PLA2G4C: variants seen among roughly 807,000 people sequenced by gnomAD.
PLA2G4C encodes the protein phospholipase A2 group IVC.
In PLA2G4C, 64 loss-of-function variants were observed where a neutral mutation model predicts 73.8. The ratio of observed to expected loss-of-function variants is 0.87; its 90% CI spans 0.71 to 1.07. PLA2G4C has a LOEUF of 1.07. Among genes scored for constraint, PLA2G4C ranks in the 50% least tolerant of loss-of-function variants. PLA2G4C has a pLI of 0.00. For synonymous variants in PLA2G4C, 254 were observed against 252.1 expected (o/e 1.01, Z -0.07); for missense variants, 622 against 665.4 (o/e 0.93, Z 0.72).
intron 12 of PLA2G4C, among the ~76,000 whole-genome samples, chr19:48,070,522 G>A (rs2386973): frequency 0.46 from 70,413 of 152,034 alleles, 16,778 homozygotes; most frequent in East Asian, 0.57. Flanking sequence ...GACTGGATAA[G>A]GAAAATGTGG....
intron 2 of PLA2G4C, among the ~76,000 whole-genome samples, chr19:48,105,902 C>T (rs1286149898): frequency 1.3e-3 from 7 of 5,300 alleles, no homozygotes; most frequent in African/African-American, 0.011. Flanking sequence ...TCCCTCCCTC[C>T]CTCCCTCCCT....
At chr19:48,055,083 C>T (rs750654958) in intron 14 of PLA2G4C, 34 bp from the exon 15 acceptor site, 27 of 1,546,614 alleles carry the variant, frequency 1.7e-5, no homozygotes, top group Non-Finnish European at 2.2e-5. Flanking sequence ...GGTTGCAAGA[C>T]CTCTCCAGAA....
At position 48,053,121 on chromosome 19, in the gene PLA2G4C, A is replaced by G. The variant is rs770088152; in HGVS notation, c.1456T>C (p.Tyr486His). 1.1e-5 allele frequency: 17 copies of G among 1,607,250 alleles called. No individual in the cohort carries two copies. Among genetic ancestry groups the G allele is most frequent in the Non-Finnish European group, 9.4e-6 (11 of 1,174,490 alleles). Reference sequence around the variant, plus strand: ...GTGTCAGCAAGCTTGAATGTGTCGTATGTGTCACTCCATGCCTCAATATCA... The same window carrying G: ...GTGTCAGCAAGCTTGAATGTGTCGTGTGTGTCACTCCATGCCTCAATATCA... The part of the protein sequence containing the change: ...GGDIEAWSDT[Y>H]DTFKLADTYT... The change falls in exon 16 of 17, where the codon TAC becomes CAC. Residue 486 changes from tyrosine (Y) to histidine (H), a missense_variant. Transcript: ENST00000599921.
chr19:48,053,131 C>G lies in PLA2G4C; in HGVS notation c.1446G>C (p.Trp482Cys). The stretch of plus-strand genomic sequence containing the variant: ...GCTTGAATGTGTCGTATGTGTCACT[C>G]CATGCCTCAATATCACCTGAAGCAT... ...IDACGGDIEA[W>C]SDTYDTFKLA... is the part of the protein sequence containing the mutation. The change falls in exon 16 of 17, where the codon TGG (tryptophan) becomes TGC (cysteine). Residue 482 changes from tryptophan to cysteine, a missense_variant. Physicochemically the swap from Trp to Cys is radical, Grantham distance 215 (BLOSUM62 -2). Coordinates refer to ENST00000599921, the MANE Select transcript of PLA2G4C (RefSeq NM_003706.3). 1.3e-6 allele frequency: 2 copies of G among 1,596,914 alleles called. No individual in the cohort carries two copies. The highest frequency in any genetic ancestry group is 1.7e-6 in the Non-Finnish European group (2 of 1,166,768).
intron 16 of PLA2G4C, among the ~76,000 whole-genome samples, chr19:48,049,979 T>C (rs536537899): frequency 7.9e-5 from 12 of 152,322 alleles, no homozygotes; most frequent in African/African-American, 1.9e-4. Flanking sequence ...TGGAGTGCAG[T>C]GGCATGATCT....
intron 7 of PLA2G4C, among the ~76,000 whole-genome samples, chr19:48,091,786 A>T (rs1335241527): frequency 6.8e-6 from 1 of 146,148 alleles, no homozygotes; most frequent in Admixed American, 7.0e-5. Context: ...GCTACTTGGG[A>T]GGCTGAGGCA....
Position 48,110,531 on chromosome 19 carries a change from T to TGCTCCGGAATCCGGTGCGGAGCCTTGG in PLA2G4C, c.-78_-77insCCAAGGCTCCGCACCGGATTCCGGAGC. The TGCTCCGGAATCCGGTGCGGAGCCTTGG allele has an allele frequency of 7.2e-7, 1 of 1,386,158 alleles. No homozygotes were observed. 85.9% of individuals were successfully genotyped at this position (1,386,158 alleles called of 1,614,324 possible). On this transcript the variant is annotated 5_prime_UTR_variant, in exon 1 of 17. Coordinates refer to ENST00000599921, the MANE Select transcript of PLA2G4C (RefSeq NM_003706.3). ...GTGTGCGCATGCGCGGTGGAGCTTG[T>TGCTCCGGAATCCGGTGCGGAGCCTTGG]GCTCCGGAATCCGGTGCGGAGGCTT...
intron 10 of PLA2G4C, among the ~76,000 whole-genome samples, chr19:48,078,518 G>A (rs1250923408): frequency 6.6e-6 from 1 of 152,132 alleles, no homozygotes; most frequent in Non-Finnish European, 1.5e-5. Context: ...ATTCAGTAGA[G>A]TTTCAGGATA....
intron 12 of PLA2G4C, among the ~76,000 whole-genome samples, chr19:48,074,038 G>A (rs1363179057): frequency 1.3e-5 from 2 of 151,618 alleles, no homozygotes; most frequent in African/African-American, 4.9e-5. Flanking sequence ...TGTTACACAG[G>A]TAAACATGTG....
chr19:48,080,663 G>A (rs1303962820), intron 10 of PLA2G4C, among the ~76,000 whole-genome samples: 1 of 151,866 alleles, frequency 6.6e-6, no homozygotes, highest in African/African-American at 2.4e-5. Flanking sequence ...ACAAAAATTA[G>A]CTGGATGCGG....
intron 7 of PLA2G4C, among the ~76,000 whole-genome samples, chr19:48,091,273 C>G (rs1324281673): frequency 6.6e-6 from 1 of 151,652 alleles, no homozygotes; most frequent in Non-Finnish European, 1.5e-5. Flanking sequence ...GCAACCTCTG[C>G]CTCCCAGATT....
At chr19:48,082,496 C>CTTTTTTT (rs66641645) in intron 10 of PLA2G4C, among the ~76,000 whole-genome samples, 50 of 106,278 alleles carry the variant, frequency 4.7e-4, no homozygotes, top group African/African-American at 7.2e-4. Context: ...TTCTTTCTTT[C>CTTTTTTT]TTTTTTTTTT....
intron 14 of PLA2G4C, among the ~76,000 whole-genome samples, chr19:48,060,669 G>C (rs928357098): frequency 2.0e-5 from 3 of 152,260 alleles, no homozygotes; most frequent in Non-Finnish European, 4.4e-5. Context: ...GGACTCCCAA[G>C]ACCTTGATAT....
rs552524626 is a variant in PLA2G4C, at chr19:48,059,609, T to C, written c.1257+2389A>G. Among the ~76,000 whole-genome samples, 3 of 152,220 alleles carry C rather than the reference T, an allele frequency of 2.0e-5. No homozygotes were observed. In the East Asian group the frequency reaches 5.8e-4, roughly 29 times the overall value. ...GGAGAAGCTGGCTTGCTGGGTCCTC[T>C]GGCTTTCATCTTTCTCCTGTGCTGG... On this transcript the variant is annotated intron_variant, in intron 14 of 16. Transcript: ENST00000599921.
intron 1 of PLA2G4C, among the ~76,000 whole-genome samples, chr19:48,106,921 T>G (rs1421103562): frequency 6.6e-6 from 1 of 152,114 alleles, no homozygotes; most frequent in Non-Finnish European, 1.5e-5. Flanking sequence ...CTCGGCTCAC[T>G]GCATCCTCCG....
intron 12 of PLA2G4C, among the ~76,000 whole-genome samples, chr19:48,068,185 G>C (rs10402990): frequency 6.6e-6 from 1 of 151,714 alleles, no homozygotes; most frequent in Non-Finnish European, 1.5e-5. Flanking sequence ...CATGCCTGTA[G>C]TCCCAGCTAC....
At chr19:48,098,780 T>C (rs2031748284) in intron 5 of PLA2G4C, among the ~76,000 whole-genome samples, 1 of 133,744 alleles carries the variant, frequency 7.5e-6, no homozygotes, top group Non-Finnish European at 1.5e-5. Context: ...TGCGTGCCTG[T>C]AGTCCCAGCT....
chr19:48,059,999 G>A (rs530816545), intron 14 of PLA2G4C, among the ~76,000 whole-genome samples: 144 of 151,944 alleles, frequency 9.5e-4, no homozygotes, highest in Non-Finnish European at 1.3e-3. Context: ...TCGAACTCCT[G>A]ATCTTCTGAT....
At chr19:48,075,837 C>A (rs547683175) in intron 11 of PLA2G4C, among the ~76,000 whole-genome samples, 1 of 152,278 alleles carries the variant, frequency 6.6e-6, no homozygotes, top group South Asian at 2.1e-4. Flanking sequence ...GGCTGGAGTG[C>A]AGTGGTACAA....
Sources: allele counts gnomAD v4.1 joint callset (sites outside exome capture counted in the v4.1 genomes callset), GRCh38; gene constraint gnomAD v4.1.1; transcripts MANE v1.5; gene names NCBI Gene and HGNC (gene_info 2026-07-23, HGNC 2026-07-21).